C2orf74: variants seen among roughly 807,000 people sequenced by gnomAD.
C2orf74 encodes the protein DPM1 ER membrane anchor 1.
A neutral mutation model predicts 17.9 loss-of-function variants in C2orf74; 14 were observed. The observed-to-expected ratio is 0.78, with a 90% CI of 0.52 to 1.22. C2orf74 has a LOEUF of 1.22. Among genes scored for constraint, C2orf74 ranks in the 50% most tolerant of loss-of-function variants. The pLI is 0.00. For missense variants in C2orf74, 217 were observed against 218.4 expected, an observed-to-expected ratio of 0.99 and a Z score of 0.04; for synonymous variants, 79 against 72.6, an observed-to-expected ratio of 1.09 and a Z score of -0.44.
At chr2:61,147,806 C>T (rs755727805) in intron 1 of C2orf74, among the ~76,000 whole-genome samples, 22 of 151,884 alleles carry the variant, frequency 1.4e-4, no homozygotes, top group African/African-American at 3.1e-4. Context: ...CTTGCTCTGT[C>T]GCCCAGGCTG....
intron 1 of C2orf74, among the ~76,000 whole-genome samples, chr2:61,147,035 G>C (rs1685091217): frequency 6.6e-6 from 1 of 151,856 alleles, no homozygotes; most frequent in East Asian, 1.9e-4. Flanking sequence ...TGGGAGTGGT[G>C]GTGGGCGCCT....
rs758498430 is a variant in C2orf74, at chr2:61,162,855, A to C, written c.109A>C (p.Lys37Gln). ...GTTTGTTTTCAGTTTCCAAGGCAGG[A>C]AAGGTAAAGAGACAAAGAAAGTGCC... ...VFLYKCFQGR[K>Q]GKETKKVPCT... Residue 37 changes from lysine (K) to glutamine (Q), a missense_variant, in exon 3 of 5, where the codon AAA becomes CAA. Lys to Gln is a moderately conservative substitution (Grantham distance 53). Transcript: ENST00000432605. 1.2e-5 allele frequency: 19 copies of C among 1,551,890 alleles called. No homozygotes were observed. Among genetic ancestry groups the C allele is most frequent in the Non-Finnish European group, 1.4e-5 (16 of 1,146,962 alleles).
rs1685615436 is a variant in C2orf74, at chr2:61,163,080, G to C, written c.238G>C (p.Val80Leu). The change falls in exon 4 of 5, where the codon GTG becomes CTG. Residue 80 changes from valine to leucine, a missense_variant. Coordinates refer to ENST00000432605, the MANE Select transcript of C2orf74 (RefSeq NM_001143959.4). ...RILMQVMNLN[V>L]PMRPGILVQR... ...CTTAATGCAAGTCATGAACTTGAAT[G>C]TGCCGATGAGGCCTGGCATTCTTGT... is the stretch of plus-strand genomic sequence containing the variant. The C allele has an allele frequency of 1.3e-6, 2 of 1,552,138 alleles. No individual in the cohort carries two copies. Among genetic ancestry groups the C allele is most frequent in the East Asian group, 4.9e-5 (2 of 41,066 alleles).
rs373482177 is a variant in C2orf74 at position 61,164,065 on chromosome 2, C to A, written c.391-289C>A. On this transcript the variant is annotated intron_variant, in intron 4 of 4. Transcript: ENST00000432605. The stretch of plus-strand genomic sequence containing the variant: ...GAACAACTCACATACCCTCCCACCC[C>A]ATGGCCATGCCCGGTTGACGACAGA... Among the ~76,000 whole-genome samples the A allele has an allele frequency of 5.9e-5, 9 of 152,122 alleles. No homozygotes were observed. In the East Asian group the frequency reaches 9.6e-4, roughly 16 times the overall value.
chr2:61,161,632 CT>C (rs2103644406), upstream of C2orf74: 1 of 152,290 alleles, frequency 6.6e-6, no homozygotes, highest in Admixed American at 6.5e-5. Context: ...ATTTGGTATC[CT>C]AGTACTTTGT....
At chr2:61,149,161 C>G (rs1412472498) in intron 1 of C2orf74, among the ~76,000 whole-genome samples, 1 of 152,164 alleles carries the variant, frequency 6.6e-6, no homozygotes, top group Non-Finnish European at 1.5e-5. Flanking sequence ...CAAAAAATAT[C>G]TCCCCTCTGA....
rs745799081 is a variant in C2orf74, at chr2:61,164,345, C to T, written c.391-9C>T. 3 of 1,529,176 alleles carry T rather than the reference C, an allele frequency of 2.0e-6. No individual in the cohort carries two copies. The highest frequency in any genetic ancestry group is 2.6e-6 in the Non-Finnish European group (3 of 1,137,630). The allele number at this position is 1,529,176 out of a possible 1,614,324, so 94.7% of individuals were successfully genotyped here. Reference sequence around the variant, plus strand: ...ATTTGTTTATATTGTTTGTCCCATTCTCTTGCAGGATGATGGTTTGCAGAA... The same window carrying T: ...ATTTGTTTATATTGTTTGTCCCATTTTCTTGCAGGATGATGGTTTGCAGAA... On this transcript the variant is annotated splice_polypyrimidine_tract_variant and intron_variant, in intron 4 of 4. Coordinates refer to ENST00000432605, the MANE Select transcript of C2orf74 (RefSeq NM_001143959.4).
chr2:61,164,464 G>A lies in C2orf74; in HGVS notation c.501G>A (p.Val167=). 6.4e-7 allele frequency: 1 copy of A among 1,550,896 alleles called. No homozygotes were observed. Among genetic ancestry groups the A allele is most frequent in the South Asian group, 1.2e-5 (1 of 83,922 alleles). ...GVTFSREVIV[V]DLGNEYPTPR... Reference sequence around the variant, plus strand: ...CATTTTCTAGGGAGGTAATTGTTGTGGATCTTGGGAATGAATACCCTACAC... The same window carrying A: ...CATTTTCTAGGGAGGTAATTGTTGTAGATCTTGGGAATGAATACCCTACAC... Residue 167 remains valine (V), a synonymous_variant, in exon 5 of 5, where the codon GTG becomes GTA. Coordinates refer to ENST00000432605, the MANE Select transcript of C2orf74 (RefSeq NM_001143959.4).
At chr2:61,147,218 CTTTCCT>C (rs991272700) in intron 1 of C2orf74, among the ~76,000 whole-genome samples, 39 of 149,058 alleles carry the variant, frequency 2.6e-4, no homozygotes, top group Admixed American at 4.0e-4. Flanking sequence ...TTTTCCTTTC[CTTTCCT>C]TTTTTTTTTT....
intron 1 of C2orf74, among the ~76,000 whole-genome samples, chr2:61,152,441 T>C (rs1407624175): frequency 6.6e-6 from 1 of 151,768 alleles, no homozygotes; most frequent in African/African-American, 2.4e-5. Flanking sequence ...CTCAGGAGGC[T>C]GAGGCAGGAG....
Position 61,162,909 on chromosome 2 carries a change from T to C in C2orf74, c.163T>C (p.Cys55Arg). 1 of 1,552,490 alleles carries C rather than the reference T, an allele frequency of 6.4e-7. No homozygotes were observed. Among genetic ancestry groups the C allele is most frequent in the African/African-American group, 1.4e-5 (1 of 73,138 alleles). Reference sequence around the variant, plus strand: ...TACAGATGCAAACGGAGGTGTAGACTGTGCAGCTGCCAAAGTGGTGACAAG... The same window carrying C: ...TACAGATGCAAACGGAGGTGTAGACCGTGCAGCTGCCAAAGTGGTGACAAG... ...PCTDANGGVD[C>R]AAAKVVTSNP... Residue 55 changes from cysteine to arginine, a missense_variant, in exon 3 of 5, where the codon TGT becomes CGT. Transcript: ENST00000432605.
intron 4 of C2orf74, among the ~76,000 whole-genome samples, chr2:61,163,607 AAAT>A (rs967417345): frequency 5.3e-5 from 8 of 151,308 alleles, no homozygotes; most frequent in African/African-American, 1.9e-4. Context: ...TCTCAAAAAA[AAAT>A]AATAATAATA....
Position 61,145,907 on chromosome 2 carries a change from C to A in C2orf74, c.-122+711C>A, listed in dbSNP as rs183768069. Among the ~76,000 whole-genome samples, 8 of 152,238 alleles carry A rather than the reference C, an allele frequency of 5.3e-5. No homozygotes were observed. In the East Asian group the frequency reaches 1.5e-3, roughly 29 times the overall value. ...GAACATTGAAACGTTTGGTAATATA[C>A]TCAATATAGGAGGGTGTCAGGAAAA... is the stretch of plus-strand genomic sequence containing the variant. On this transcript the variant is annotated intron_variant, in intron 1 of 3. Transcript: ENST00000426997.
At position 61,145,930 on chromosome 2, in the gene C2orf74, A is replaced by T. The variant is rs151063864; in HGVS notation, c.-122+734A>T. ...TACTCAATATAGGAGGGTGTCAGGA[A>T]AACAGGTGCAGTGTTACAGTGCTAG... is the stretch of plus-strand genomic sequence containing the variant. On this transcript the variant is annotated intron_variant, in intron 1 of 3. Coordinates refer to the C2orf74 transcript ENST00000426997. Among the ~76,000 whole-genome samples, 442 of 152,336 alleles carry T rather than the reference A, an allele frequency of 2.9e-3. 1 individual carries two copies. The highest frequency in any genetic ancestry group is 8.9e-3 in the African/African-American group (370 of 41,584).
At chr2:61,163,765 C>T (rs1003075700) in intron 4 of C2orf74, among the ~76,000 whole-genome samples, 1 of 152,048 alleles carries the variant, frequency 6.6e-6, no homozygotes, top group Non-Finnish European at 1.5e-5. Context: ...AGTCTAGAAA[C>T]TTGCTTAGTC....
chr2:61,160,988 C>T (rs1403509070), upstream of C2orf74, among the ~76,000 whole-genome samples: 2 of 152,188 alleles, frequency 1.3e-5, no homozygotes, highest in Non-Finnish European at 1.5e-5. Context: ...AACTGCTATA[C>T]TGTTTTCTAC....
upstream of C2orf74, among the ~76,000 whole-genome samples, chr2:61,159,875 A>G (rs1006541877): frequency 6.6e-6 from 1 of 152,260 alleles, no homozygotes; most frequent in East Asian, 1.9e-4. Context: ...GTTCAGTGGT[A>G]TTAAGTATGT....
chr2:61,163,200 C>A lies in C2orf74; in HGVS notation c.358C>A (p.Pro120Thr). ...GAACCAAATAAATGAGAAGCAAGAG[C>A]CTGAGAATGCTGGAGAAACTGGTCA... Reference protein sequence around the residue: ...EENQINEKQEPENAGETGQEE... With the variant: ...EENQINEKQETENAGETGQEE... The change falls in exon 4 of 5, where the codon CCT (proline) becomes ACT (threonine). Residue 120 changes from proline to threonine, a missense_variant. Pro to Thr is a conservative substitution (Grantham distance 38, BLOSUM62 -1). Coordinates refer to ENST00000432605, the MANE Select transcript of C2orf74 (RefSeq NM_001143959.4). 2 of 1,552,142 alleles carry A rather than the reference C, an allele frequency of 1.3e-6. No homozygotes were observed. Among genetic ancestry groups the A allele is most frequent in the Non-Finnish European group, 1.7e-6 (2 of 1,147,074 alleles).
At position 61,147,683 on chromosome 2, in the gene C2orf74, G is replaced by A. The variant is rs568987449; in HGVS notation, c.-122+2487G>A. Among the ~76,000 whole-genome samples the A allele has an allele frequency of 7.2e-5, 11 of 152,132 alleles. No homozygotes were observed. The South Asian group carries it at 1.4e-3, about 20-fold the overall frequency. ...TTTTGCCTTTCCCTTTTTTATAGGC[G>A]TTTTAAAAATATTCTATACGTTGAT... On this transcript the variant is annotated intron_variant, in intron 1 of 3. Transcript: ENST00000426997.
Sources: gnomAD v4.1 joint callset for allele counts (sites outside exome capture counted in the v4.1 genomes callset) on GRCh38, gnomAD v4.1.1 for gene constraint, MANE v1.5 for transcripts, NCBI Gene and HGNC (gene_info 2026-07-23, HGNC 2026-07-21) for gene names.